The following TRMT11 variants were observed in gnomAD, a reference collection of about 807,000 sequenced individuals.
TRMT11 encodes the protein tRNA (guanine(10)-N(2))-methyltransferase TRMT11.
Under a neutral mutation model 62.8 loss-of-function variants are expected in TRMT11, and 53 were observed. The ratio of observed to expected loss-of-function variants is 0.84; its 90% CI spans 0.68 to 1.06. TRMT11 has a LOEUF of 1.06. TRMT11 is among the 50% of genes least tolerant of loss of function. TRMT11 has a pLI of 0.00. For synonymous variants in TRMT11, 188 were observed against 190.3 expected (o/e 0.99, Z 0.10); for missense variants, 556 against 553.4 (o/e 1.00, Z -0.05).
intron 21 of TRMT11, among the ~76,000 whole-genome samples, chr6:126,139,750 A>G (rs975803557): frequency 1.2e-4 from 19 of 152,256 alleles, no homozygotes; most frequent in African/African-American, 4.6e-4. Flanking sequence ...TAGTATTTTA[A>G]TGTATGTGGT....
the TRMT11 span, among the ~76,000 whole-genome samples, chr6:126,254,510 C>T: frequency 4.6e-5 from 7 of 152,196 alleles, no homozygotes; most frequent in Non-Finnish European, 1.0e-4. Flanking sequence ...CATCGTGAGT[C>T]TCATGAGGGG....
At chr6:126,176,774 G>A (rs1190604214), upstream of TRMT11, among the ~76,000 whole-genome samples, 1 of 152,068 alleles carries the variant, frequency 6.6e-6, no homozygotes, top group African/African-American at 2.4e-5. Context: ...TGAACAAGAA[G>A]CCCATTAAAA....
the TRMT11 span, among the ~76,000 whole-genome samples, chr6:126,256,818 T>A: frequency 1.3e-5 from 2 of 152,210 alleles, no homozygotes; most frequent in Non-Finnish European, 2.9e-5. Flanking sequence ...CTCTGAGTCA[T>A]CCTTCCTTCC....
intron 17 of TRMT11, among the ~76,000 whole-genome samples, chr6:126,094,092 T>TACAC (rs113557278): frequency 2.4e-3 from 351 of 147,870 alleles, no homozygotes; most frequent in African/African-American, 7.5e-3. Flanking sequence ...GAAAATGTGA[T>TACAC]ACACACACAC....
intron 7 of TRMT11, among the ~76,000 whole-genome samples, chr6:126,003,476 A>G (rs1792852738): frequency 6.6e-6 from 1 of 152,000 alleles, no homozygotes; most frequent in Admixed American, 6.6e-5. Context: ...TCTCCATTAT[A>G]CTATTTTGGA....
At chr6:126,148,800 A>G (rs1271756601) in intron 21 of TRMT11, among the ~76,000 whole-genome samples, 1 of 152,208 alleles carries the variant, frequency 6.6e-6, no homozygotes, top group Non-Finnish European at 1.5e-5. Flanking sequence ...ATATCTTAAC[A>G]TTATTAATGT....
chr6:125,991,503 C>G (rs114051647), intron 1 of TRMT11, among the ~76,000 whole-genome samples: 256 of 152,068 alleles, frequency 1.7e-3, no homozygotes, highest in African/African-American at 5.9e-3. Flanking sequence ...TGGGAGCTCT[C>G]ACTGTGTTGC....
chr6:126,032,166 G>A (rs1774323360), intron 12 of TRMT11, among the ~76,000 whole-genome samples: 1 of 152,114 alleles, frequency 6.6e-6, no homozygotes, highest in South Asian at 2.1e-4. Context: ...TTAGGCTGCT[G>A]TAATAATCTT....
At chr6:126,264,174 C>T in the TRMT11 span, among the ~76,000 whole-genome samples, 1 of 152,112 alleles carries the variant, frequency 6.6e-6, no homozygotes. Context: ...CCATTGTAAG[C>T]ATGGAGAGTA....
intron 17 of TRMT11, among the ~76,000 whole-genome samples, chr6:126,108,032 C>T (rs1347322259): frequency 6.6e-6 from 1 of 152,108 alleles, no homozygotes; most frequent in Non-Finnish European, 1.5e-5. Flanking sequence ...CAGAGCATCT[C>T]GTGAGCAGGA....
chr6:126,091,459 T>C (rs976628187), intron 17 of TRMT11, among the ~76,000 whole-genome samples: 8 of 152,126 alleles, frequency 5.3e-5, no homozygotes, highest in African/African-American at 1.9e-4. Context: ...CATCACTCCT[T>C]TTTCGGTCCA....
intron 3 of TRMT11, 126 bp downstream of exon 3, chr6:125,996,166 T>C: frequency 3.5e-6 from 2 of 578,038 alleles, no homozygotes; most frequent in Non-Finnish European, 6.1e-6. Flanking sequence ...CAACTGCCAC[T>C]GGGTGGCGGT....
chr6:125,986,953 G>A (rs1265917307), intron 1 of TRMT11: 1 of 325,578 alleles, frequency 3.1e-6, no homozygotes, highest in Non-Finnish European at 5.6e-6. Context: ...CAAATGCTCA[G>A]GCTGGTGTTT....
chr6:126,100,463 G>A (rs1309750157), intron 17 of TRMT11, among the ~76,000 whole-genome samples: 1 of 152,112 alleles, frequency 6.6e-6, no homozygotes, highest in Non-Finnish European at 1.5e-5. Context: ...TGTGTTAGGA[G>A]TCTTTCTTGT....
downstream of TRMT11, among the ~76,000 whole-genome samples, chr6:126,207,813 T>C (rs552970838): frequency 6.6e-6 from 1 of 152,316 alleles, no homozygotes; most frequent in East Asian, 1.9e-4. Context: ...ATCATAGTTA[T>C]TGTCACAACT....
At chr6:126,119,020 G>A (rs1777618711) in intron 21 of TRMT11, among the ~76,000 whole-genome samples, 1 of 152,086 alleles carries the variant, frequency 6.6e-6, no homozygotes, top group Non-Finnish European at 1.5e-5. Flanking sequence ...ACAGACATGG[G>A]CTTTCACTTT....
At chr6:126,109,724 C>T (rs796806494) in intron 17 of TRMT11, among the ~76,000 whole-genome samples, 4 of 152,300 alleles carry the variant, frequency 2.6e-5, no homozygotes, top group African/African-American at 9.6e-5. Flanking sequence ...AAAGTGGTGC[C>T]TGGCACATAC....
At chr6:126,191,195 T>C (rs1421829281) in intron 1 of TRMT11, among the ~76,000 whole-genome samples, 2 of 152,190 alleles carry the variant, frequency 1.3e-5, no homozygotes, top group Admixed American at 1.3e-4. Flanking sequence ...TGACTAGTCA[T>C]GTTGAGCACT....
chr6:126,000,832 TTTTC>T (rs1176823969), intron 7 of TRMT11, among the ~76,000 whole-genome samples: 1 of 152,138 alleles, frequency 6.6e-6, no homozygotes, highest in Non-Finnish European at 1.5e-5. Flanking sequence ...CTCTATATTC[TTTTC>T]TTCCCCACTC....
Sources: allele counts gnomAD v4.1 joint callset (sites outside exome capture counted in the v4.1 genomes callset), GRCh38; gene constraint gnomAD v4.1.1; transcripts MANE v1.5; gene names NCBI Gene and HGNC (gene_info 2026-07-23, HGNC 2026-07-21).